Variants in MID1 observed in about 807,000 individuals in gnomAD.
MID1 encodes midline 1.
In MID1, 7 loss-of-function variants were observed where a neutral mutation model predicts 40.4. That is an observed-to-expected ratio of 0.17 (90% CI 0.10 to 0.33). The LOEUF (loss-of-function observed/expected upper bound fraction) is 0.33, where lower values mean the gene tolerates loss of function less well. Ranked by LOEUF, MID1 falls within the 10% of genes least tolerant of loss-of-function variation. The probability of loss-of-function intolerance (pLI) is 1.00; values close to 1 mark genes in which losing one functional copy is unlikely to be tolerated. For synonymous variants in MID1, 229 were observed against 221.2 expected, an observed-to-expected ratio of 1.04 and a Z score of -0.31; for missense variants, 367 against 558.5, an observed-to-expected ratio of 0.66 and a Z score of 3.46.
chrX:10,726,699 C>G (rs980688153), intron 1 of MID1, among the ~76,000 whole-genome samples: 1 of 112,524 alleles, frequency 8.9e-6, no homozygotes, highest in East Asian at 2.8e-4. Context: ...CATTTCCCAT[C>G]TTAAGAACTG....
chrX:10,533,952 G>A (rs779807771), intron 2 of MID1, among the ~76,000 whole-genome samples: 7 of 110,904 alleles, frequency 6.3e-5, no homozygotes, highest in Non-Finnish European at 1.3e-4. Context: ...AGTGCCGACT[G>A]GATAAGGAAT....
chrX:10,694,203 G>T (rs1602521005), intron 1 of MID1, among the ~76,000 whole-genome samples: 1 of 112,236 alleles, frequency 8.9e-6, no homozygotes, highest in East Asian at 2.8e-4. Context: ...CCACGAAGAA[G>T]ATGGAAACAC....
intron 2 of MID1, among the ~76,000 whole-genome samples, chrX:10,552,808 T>C (rs999121436): frequency 3.4e-4 from 38 of 111,944 alleles, no homozygotes; most frequent in African/African-American, 1.1e-3. Context: ...ACAAGCATTA[T>C]GGAGTTATTA....
At chrX:10,469,999 G>T (rs1929610547) in intron 6 of MID1, among the ~76,000 whole-genome samples, 159 bp from the exon 7 acceptor site, 1 of 112,116 alleles carries the variant, frequency 8.9e-6, no homozygotes, top group South Asian at 3.7e-4. Context: ...CTGATTGGCT[G>T]GTTATTGCTT....
At chrX:10,680,264 A>G (rs1365968211) in intron 1 of MID1, among the ~76,000 whole-genome samples, 4 of 111,763 alleles carry the variant, frequency 3.6e-5, no homozygotes, top group Non-Finnish European at 7.5e-5. Context: ...GAAGATACGT[A>G]TCTTTACGTT....
chrX:10,499,671 A>AT (rs1931444507), intron 3 of MID1, among the ~76,000 whole-genome samples: 1 of 111,930 alleles, frequency 8.9e-6, no homozygotes, highest in Non-Finnish European at 1.9e-5. Flanking sequence ...TCTCAGCACA[A>AT]TTTTTTGAAA....
intron 1 of MID1, among the ~76,000 whole-genome samples, chrX:10,646,729 G>A (rs767817440): frequency 2.1e-4 from 24 of 111,723 alleles, no homozygotes; most frequent in Non-Finnish European, 1.5e-4. Context: ...ATTAGGTTTG[G>A]AAAATAAGTT....
intron 2 of MID1, among the ~76,000 whole-genome samples, chrX:10,549,878 G>A (rs1236516988): frequency 2.7e-5 from 3 of 112,362 alleles, no homozygotes; most frequent in African/African-American, 9.7e-5. Context: ...TGTGAAATAA[G>A]TAGTACCTTC....
rs185686288 is a variant in MID1 at position 10,752,913 on chromosome X, C to T, written c.-187+80641G>A. On this transcript the variant is annotated intron_variant, in intron 1 of 10. Coordinates refer to the MID1 transcript ENST00000380785. ...CCTACCTGTCGTGCAAATCCCCTTC[C>T]GTCTAGTCTCTGGCCTAAAACCAGT... Among the ~76,000 whole-genome samples, 8 of 112,416 alleles carry T rather than the reference C, an allele frequency of 7.1e-5. No individual in the cohort carries two copies. The East Asian group carries it at 8.4e-4, about 12-fold the overall frequency.
chrX:10,759,755 C>T (rs1049596157), intron 1 of MID1, among the ~76,000 whole-genome samples: 1 of 111,969 alleles, frequency 8.9e-6, no homozygotes, highest in Non-Finnish European at 1.9e-5. Context: ...TTCCCATTCT[C>T]AACTCCTCTT....
intron 1 of MID1, among the ~76,000 whole-genome samples, chrX:10,627,207 T>C (rs1936004113): frequency 8.9e-6 from 1 of 112,245 alleles, no homozygotes; most frequent in South Asian, 3.7e-4. Flanking sequence ...AGCAGTGTTT[T>C]ATTATCATCT....
intron 1 of MID1, among the ~76,000 whole-genome samples, chrX:10,718,424 T>C (rs972112061): frequency 2.7e-5 from 3 of 111,967 alleles, no homozygotes; most frequent in Non-Finnish European, 5.6e-5. Context: ...AACACCTCTA[T>C]GCAAATAAAC....
chrX:10,714,572 A>T (rs1260502974), intron 1 of MID1, among the ~76,000 whole-genome samples: 2 of 112,740 alleles, frequency 1.8e-5, no homozygotes, highest in African/African-American at 6.4e-5. Context: ...TGTTAATCGA[A>T]TCTGGAACAT....
intron 1 of MID1, among the ~76,000 whole-genome samples, chrX:10,749,443 A>C (rs2043583469): frequency 8.9e-6 from 1 of 112,082 alleles, no homozygotes; most frequent in Non-Finnish European, 1.9e-5. Context: ...TTTAGTACTC[A>C]CCTTGAAGAA....
At chrX:10,666,810 T>G (rs1273569903) in intron 1 of MID1, among the ~76,000 whole-genome samples, 2 of 111,454 alleles carry the variant, frequency 1.8e-5, no homozygotes, top group African/African-American at 6.5e-5. Context: ...TAAGACGAGC[T>G]TTTCATAGGT....
At chrX:10,453,178 CAA>C (rs755631554) in intron 9 of MID1, among the ~76,000 whole-genome samples, 75 of 111,277 alleles carry the variant, frequency 6.7e-4, no homozygotes, top group Non-Finnish European at 1.2e-3. Context: ...AGGATAGCAA[CAA>C]AGGAAAACCT....
chrX:10,600,924 T>C (rs1007343469), intron 1 of MID1, among the ~76,000 whole-genome samples: 6 of 111,429 alleles, frequency 5.4e-5, no homozygotes, highest in African/African-American at 1.6e-4. Flanking sequence ...CCAAGCGCAA[T>C]GAAAAATTCC....
chrX:10,503,924 A>C (rs1931685726), intron 3 of MID1, among the ~76,000 whole-genome samples: 1 of 112,415 alleles, frequency 8.9e-6, no homozygotes, highest in African/African-American at 3.2e-5. Context: ...ACTGCCTAGC[A>C]AAAAATGCCA....
At chrX:10,675,323 C>G (rs961870513) in intron 1 of MID1, among the ~76,000 whole-genome samples, 6 of 112,141 alleles carry the variant, frequency 5.4e-5, no homozygotes, top group Middle Eastern at 4.6e-3. Flanking sequence ...ATGCAGAGAG[C>G]CCCCTAAATT....
Sources: allele counts gnomAD v4.1 joint callset (sites outside exome capture counted in the v4.1 genomes callset), GRCh38; gene constraint gnomAD v4.1.1; transcripts MANE v1.5; gene names NCBI Gene and HGNC (gene_info 2026-07-23, HGNC 2026-07-21).